XKR4: variants seen among roughly 807,000 people sequenced by gnomAD.
XKR4 encodes XK-related protein 4.
A neutral mutation model predicts 53.9 loss-of-function variants in XKR4; 12 were observed. That is an observed-to-expected ratio of 0.22 (90% CI 0.14 to 0.36). The LOEUF (loss-of-function observed/expected upper bound fraction) is 0.36, where lower values mean the gene tolerates loss of function less well. Ranked by LOEUF, XKR4 falls within the 10% of genes least tolerant of loss-of-function variation. The probability of loss-of-function intolerance (pLI) is 1.00; values close to 1 mark genes in which losing one functional copy is unlikely to be tolerated. For synonymous variants in XKR4, 354 were observed against 362.4 expected, an observed-to-expected ratio of 0.98 and a Z score of 0.26; for missense variants, 799 against 859.5, an observed-to-expected ratio of 0.93 and a Z score of 0.88.
chr8:55,418,897 T>A (rs1563345319), intron 2 of XKR4, among the ~76,000 whole-genome samples: 1 of 152,154 alleles, frequency 6.6e-6, no homozygotes, highest in Non-Finnish European at 1.5e-5. Context: ...CTGCTTTTTT[T>A]TTTTTAATTA....
chr8:55,119,716 C>G (rs540547160), intron 1 of XKR4, among the ~76,000 whole-genome samples: 1 of 152,268 alleles, frequency 6.6e-6, no homozygotes, highest in South Asian at 2.1e-4. Context: ...GTTTCCTGTA[C>G]TCTTCAGAGG....
At chr8:55,292,442 A>G (rs1819043566) in intron 1 of XKR4, among the ~76,000 whole-genome samples, 1 of 152,046 alleles carries the variant, frequency 6.6e-6, no homozygotes, top group Admixed American at 6.6e-5. Context: ...TATGTACAGA[A>G]TTGTTCATAC....
chr8:55,334,247 T>A (rs1325426096), intron 1 of XKR4, among the ~76,000 whole-genome samples: 1 of 152,144 alleles, frequency 6.6e-6, no homozygotes, highest in East Asian at 1.9e-4. Context: ...AGAACAGAAG[T>A]GTCTGCTGCT....
chr8:55,458,836 G>A (rs937455905), intron 2 of XKR4, among the ~76,000 whole-genome samples: 1 of 152,120 alleles, frequency 6.6e-6, no homozygotes, highest in African/African-American at 2.4e-5. Flanking sequence ...GGGTTTATAT[G>A]GGTGCAGGAT....
At chr8:55,226,329 T>G (rs1201266636) in intron 1 of XKR4, among the ~76,000 whole-genome samples, 1 of 152,158 alleles carries the variant, frequency 6.6e-6, no homozygotes. Context: ...GGAAAGAAAA[T>G]GCACTCTCAG....
chr8:55,485,268 C>T (rs1192399547), intron 2 of XKR4, among the ~76,000 whole-genome samples: 1 of 151,868 alleles, frequency 6.6e-6, no homozygotes, highest in Non-Finnish European at 1.5e-5. Flanking sequence ...TGCAATAAGG[C>T]AAGAAAAGGA....
At chr8:55,365,726 A>AAC (rs1321717254) in intron 2 of XKR4, among the ~76,000 whole-genome samples, 9 of 151,054 alleles carry the variant, frequency 6.0e-5, no homozygotes, top group Non-Finnish European at 1.3e-4. Flanking sequence ...AAAAAAAAAA[A>AAC]AGGGATTTAG....
intron 1 of XKR4, among the ~76,000 whole-genome samples, chr8:55,204,052 C>T (rs1353608122): frequency 6.6e-6 from 1 of 152,106 alleles, no homozygotes; most frequent in African/African-American, 2.4e-5. Context: ...GCTCTGTCCC[C>T]TAGGCTGGAG....
At chr8:55,339,051 C>T (rs1392995875) in intron 1 of XKR4, among the ~76,000 whole-genome samples, 1 of 152,184 alleles carries the variant, frequency 6.6e-6, no homozygotes, top group Non-Finnish European at 1.5e-5. Context: ...AGTTCAACTG[C>T]ATATTGAGGG....
intron 1 of XKR4, among the ~76,000 whole-genome samples, chr8:55,230,095 G>T (rs1818010918): frequency 6.6e-6 from 1 of 152,018 alleles, no homozygotes; most frequent in Non-Finnish European, 1.5e-5. Context: ...TCCCACTGAA[G>T]TTGATACTAT....
chr8:55,413,952 T>C (rs1351047021), intron 2 of XKR4, among the ~76,000 whole-genome samples: 1 of 152,344 alleles, frequency 6.6e-6, no homozygotes, highest in East Asian at 1.9e-4. Flanking sequence ...TTCTATAGAC[T>C]TTCAAATGAT....
At chr8:55,245,121 G>C (rs913835115) in intron 1 of XKR4, among the ~76,000 whole-genome samples, 1 of 151,846 alleles carries the variant, frequency 6.6e-6, no homozygotes, top group African/African-American at 2.4e-5. Flanking sequence ...TGGCAAGGCT[G>C]GTCTCGAACT....
intron 1 of XKR4, among the ~76,000 whole-genome samples, chr8:55,249,160 C>G (rs1818331861): frequency 6.6e-6 from 1 of 151,818 alleles, no homozygotes; most frequent in African/African-American, 2.4e-5. Context: ...GCAACTTAAG[C>G]AAAAAAAGAT....
chr8:55,142,122 C>T (rs964390911), intron 1 of XKR4: 30 of 456,002 alleles, frequency 6.6e-5, no homozygotes, highest in Middle Eastern at 3.2e-4. Context: ...CTCCTCCCTA[C>T]CTCCATTCTT....
intron 2 of XKR4, among the ~76,000 whole-genome samples, chr8:55,506,994 T>G (rs1706068513): frequency 6.6e-6 from 1 of 152,224 alleles, no homozygotes; most frequent in Non-Finnish European, 1.5e-5. Flanking sequence ...GGTTGTGGTG[T>G]CACTTTTTTT....
At chr8:55,448,040 A>G (rs905934114) in intron 2 of XKR4, among the ~76,000 whole-genome samples, 1 of 152,202 alleles carries the variant, frequency 6.6e-6, no homozygotes, top group Non-Finnish European at 1.5e-5. Context: ...GCTTGCTGGC[A>G]AGCAAACTGC....
At chr8:55,508,467 A>G (rs2622557) in intron 2 of XKR4, among the ~76,000 whole-genome samples, 85,260 of 152,138 alleles carry the variant, frequency 0.56, 26,530 homozygotes, top group South Asian at 0.72. Flanking sequence ...CCCTACCCTC[A>G]TGAATGCCAC....
chr8:55,480,253 A>G (rs1373112255), intron 2 of XKR4, among the ~76,000 whole-genome samples: 1 of 151,850 alleles, frequency 6.6e-6, no homozygotes, highest in African/African-American at 2.4e-5. Flanking sequence ...CAACATACGC[A>G]AATCAATAAA....
chr8:55,105,945 A>G (rs772715659), intron 1 of XKR4, among the ~76,000 whole-genome samples: 7 of 152,158 alleles, frequency 4.6e-5, no homozygotes, highest in African/African-American at 7.2e-5. Context: ...AACTCATCTC[A>G]GATTTTTCTA....
Sources: allele counts gnomAD v4.1 joint callset (sites outside exome capture counted in the v4.1 genomes callset), GRCh38; gene constraint gnomAD v4.1.1; transcripts MANE v1.5; gene names NCBI Gene and HGNC (gene_info 2026-07-23, HGNC 2026-07-21).